Variants in RGS6 observed in about 807,000 individuals in gnomAD.
The protein encoded by RGS6 is regulator of G protein signaling 6.
In RGS6, 30 loss-of-function variants were observed where a neutral mutation model predicts 78.5. The ratio of observed to expected loss-of-function variants is 0.38; its 90% confidence interval spans 0.29 to 0.52. The LOEUF (loss-of-function observed/expected upper bound fraction) is 0.52. Among genes scored for constraint, RGS6 ranks in the 20% least tolerant of loss-of-function variants. RGS6 has a pLI of 0.85. For missense variants in RGS6, 495 were observed against 609.7 expected (o/e 0.81, Z 1.98); for synonymous variants, 206 against 206.0 (o/e 1.00, Z 0.00).
the RGS6 span, among the ~76,000 whole-genome samples, chr14:72,600,005 G>C: frequency 2.6e-5 from 4 of 152,240 alleles, no homozygotes; most frequent in East Asian, 7.7e-4. Flanking sequence ...GGGAGGGCCT[G>C]CCCCTCCGGT....
chr14:72,585,238 C>G, the RGS6 span, among the ~76,000 whole-genome samples: 1 of 152,182 alleles, frequency 6.6e-6, no homozygotes, highest in African/African-American at 2.4e-5. Context: ...CTCACAATCT[C>G]CCTCCCATTC....
the RGS6 span, among the ~76,000 whole-genome samples, chr14:71,883,819 C>G: frequency 6.6e-6 from 1 of 152,196 alleles, no homozygotes; most frequent in Non-Finnish European, 1.5e-5. Flanking sequence ...TTACAGATGC[C>G]TTGGCAATGT....
At chr14:72,137,880 A>G (rs2096471260) in intron 2 of RGS6, among the ~76,000 whole-genome samples, 1 of 152,170 alleles carries the variant, frequency 6.6e-6, no homozygotes, top group Non-Finnish European at 1.5e-5. Context: ...TTACATAAAT[A>G]TGATTGATCA....
chr14:71,916,761 T>C, the RGS6 span, among the ~76,000 whole-genome samples: 1 of 152,098 alleles, frequency 6.6e-6, no homozygotes, highest in Admixed American at 6.5e-5. Context: ...AGCTGGTCCG[T>C]GTCGGGGTCA....
the RGS6 span, among the ~76,000 whole-genome samples, chr14:72,602,576 G>T: frequency 6.6e-6 from 1 of 152,188 alleles, no homozygotes; most frequent in African/African-American, 2.4e-5. Context: ...TGCGCACCGA[G>T]GCAAGGGTGA....
chr14:71,904,825 TTGGCTTTTCCTGA>T, the RGS6 span, among the ~76,000 whole-genome samples: 8,288 of 152,228 alleles, frequency 0.054, 341 homozygotes, highest in Non-Finnish European at 0.084. Flanking sequence ...TTCCTGATAT[TTGGCTTTTCCTGA>T]TATTTGGCTT....
At chr14:72,278,279 G>A (rs1363404876) in intron 2 of RGS6, among the ~76,000 whole-genome samples, 1 of 152,162 alleles carries the variant, frequency 6.6e-6, no homozygotes, top group African/African-American at 2.4e-5. Flanking sequence ...AAACAATTTG[G>A]TTTTGATAGA....
chr14:72,433,565 T>C (rs1363268181), intron 3 of RGS6, among the ~76,000 whole-genome samples: 1 of 152,166 alleles, frequency 6.6e-6, no homozygotes, highest in East Asian at 1.9e-4. Flanking sequence ...AAAGTCTTTT[T>C]AGGCAAGAGA....
chr14:72,514,901 A>C (rs939097781), intron 14 of RGS6, among the ~76,000 whole-genome samples: 4 of 152,188 alleles, frequency 2.6e-5, no homozygotes, highest in African/African-American at 9.7e-5. Flanking sequence ...AGATGTGCAG[A>C]GAGGAGCTGC....
chr14:72,527,428 T>C (rs538486603), intron 15 of RGS6, among the ~76,000 whole-genome samples: 2 of 152,344 alleles, frequency 1.3e-5, no homozygotes, highest in Non-Finnish European at 2.9e-5. Flanking sequence ...CCTGGTTCCA[T>C]ACTTACCTTG....
At chr14:72,103,882 T>A (rs1384357397) in intron 2 of RGS6, among the ~76,000 whole-genome samples, 2 of 152,166 alleles carry the variant, frequency 1.3e-5, no homozygotes, top group Non-Finnish European at 2.9e-5. Flanking sequence ...AAAAGAAGGA[T>A]TTTGACCATT....
At chr14:72,496,725 A>G (rs1465999404) in intron 13 of RGS6, among the ~76,000 whole-genome samples, 2 of 152,210 alleles carry the variant, frequency 1.3e-5, no homozygotes, top group African/African-American at 4.8e-5. Context: ...CTGAGACGCT[A>G]AGGGTACCAT....
chr14:72,019,812 A>G (rs1166911364), intron 2 of RGS6, among the ~76,000 whole-genome samples: 2 of 152,230 alleles, frequency 1.3e-5, no homozygotes, highest in Non-Finnish European at 2.9e-5. Context: ...GATGGACTCC[A>G]GGGTCCTTCA....
intron 3 of RGS6, among the ~76,000 whole-genome samples, chr14:72,397,783 G>A (rs1193444625): frequency 6.6e-6 from 1 of 152,104 alleles, no homozygotes; most frequent in Non-Finnish European, 1.5e-5. Flanking sequence ...TTTGTCAAAG[G>A]CCTTTTCTAC....
At chr14:72,384,084 T>C (rs1464416490) in intron 3 of RGS6, among the ~76,000 whole-genome samples, 1 of 152,144 alleles carries the variant, frequency 6.6e-6, no homozygotes, top group Non-Finnish European at 1.5e-5. Context: ...ACACACACGT[T>C]TTGATCGTAT....
chr14:72,588,782 C>A, the RGS6 span, among the ~76,000 whole-genome samples: 1 of 152,146 alleles, frequency 6.6e-6, no homozygotes. Context: ...TTTGTTACCC[C>A]CTTGTGATTT....
intron 2 of RGS6, among the ~76,000 whole-genome samples, chr14:72,100,260 A>G (rs762160743): frequency 4.6e-5 from 7 of 152,056 alleles, no homozygotes; most frequent in Admixed American, 3.9e-4. Context: ...ATCCCAGCAC[A>G]TTGGGAGGCT....
At chr14:72,013,271 C>CAAAAAAAAA (rs59579709) in intron 2 of RGS6, among the ~76,000 whole-genome samples, 35 of 77,010 alleles carry the variant, frequency 4.5e-4, no homozygotes, top group African/African-American at 5.9e-4. Context: ...ACTCCGTCTC[C>CAAAAAAAAA]AAAAAAAAAA....
chr14:71,998,566 C>G (rs1191943134), intron 2 of RGS6, among the ~76,000 whole-genome samples: 5 of 152,194 alleles, frequency 3.3e-5, no homozygotes, highest in African/African-American at 4.8e-5. Flanking sequence ...CTGGACACTA[C>G]TGTATTAAGA....
Sources: gnomAD v4.1 joint callset for allele counts (sites outside exome capture counted in the v4.1 genomes callset) on GRCh38, gnomAD v4.1.1 for gene constraint, MANE v1.5 for transcripts, NCBI Gene and HGNC (gene_info 2026-07-23, HGNC 2026-07-21) for gene names.